Variants in ACACB observed in about 807,000 individuals in gnomAD.
The protein encoded by ACACB is acetyl-CoA carboxylase beta.
Under a neutral mutation model 278.8 loss-of-function variants are expected in ACACB, and 209 were observed. The ratio of observed to expected loss-of-function variants is 0.75; its 90% CI spans 0.67 to 0.84. ACACB has a LOEUF of 0.84. Ranked by LOEUF, ACACB falls within the 40% of genes least tolerant of loss-of-function variation. ACACB has a pLI of 0.00. For synonymous variants in ACACB, 1,174 were observed against 1,285.6 expected, an observed-to-expected ratio of 0.91 and a Z score of 1.86; for missense variants, 2,850 against 3,269.0, an observed-to-expected ratio of 0.87 and a Z score of 3.13.
intron 33 of ACACB, 125 bp from the exon 34 acceptor site, chr12:109,237,040 T>C (rs2046649560): frequency 1.1e-6 from 1 of 907,366 alleles, no homozygotes; most frequent in Non-Finnish European, 1.8e-6. Flanking sequence ...GAATGCTGCA[T>C]TCCTGAGTGC....
intron 9 of ACACB, 41 bp downstream of exon 9, chr12:109,176,304 G>A: frequency 1.0e-5 from 16 of 1,554,478 alleles, no homozygotes; most frequent in Non-Finnish European, 1.4e-5. Flanking sequence ...CTGTCTTTGG[G>A]AATTGTTTGT....
chr12:109,218,376 G>T (rs1286945063), intron 24 of ACACB, among the ~76,000 whole-genome samples: 1 of 110,090 alleles, frequency 9.1e-6, no homozygotes. Flanking sequence ...TAGTTTGTTT[G>T]TTTGTTTGTT....
At chr12:109,179,061 A>G (rs2044371713) in intron 9 of ACACB, 27 bp from the exon 10 acceptor site, 1 of 1,602,242 alleles carries the variant, frequency 6.2e-7, no homozygotes, top group African/African-American at 1.3e-5. Context: ...CCCCATGAAG[A>G]TCAGGCTGCT....
intron 2 of ACACB, among the ~76,000 whole-genome samples, chr12:109,145,850 A>T (rs1020982652): frequency 2.4e-4 from 37 of 151,768 alleles, no homozygotes; most frequent in African/African-American, 8.5e-4. Context: ...AAAAAAAAAA[A>T]ATAGAAAAAT....
At chr12:109,199,619 T>C (rs1341656254) in intron 18 of ACACB, 67 bp downstream of exon 18, 3 of 1,337,656 alleles carry the variant, frequency 2.2e-6, no homozygotes, top group Non-Finnish European at 2.9e-6. Flanking sequence ...CTTTGTCCCA[T>C]GTCTGAACAA....
rs2045158931 is a variant in ACACB, at chr12:109,197,046, G to A, written c.2520G>A (p.Met840Ile). The A allele has an allele frequency of 6.3e-7, 1 of 1,590,362 alleles. No homozygotes were observed. Among genetic ancestry groups the A allele is most frequent in the African/African-American group, 1.4e-5 (1 of 73,326 alleles). ...CTCTGACCATGTTCGTTCTCATCAT[G>A]AATGGCTGCCACATCGAGATTGATG... ...RQSLTMFVLI[M>I]NGCHIEIDAH... The change falls in exon 17 of 53, where the codon ATG becomes ATA. Residue 840 changes from methionine to isoleucine, a missense_variant. Physicochemically the swap from Met to Ile is conservative, Grantham distance 10. Transcript: ENST00000338432.
chr12:109,121,860 C>A (rs2042556905), intron 1 of ACACB, among the ~76,000 whole-genome samples: 1 of 152,176 alleles, frequency 6.6e-6, no homozygotes, highest in Non-Finnish European at 1.5e-5. Flanking sequence ...AGCTTCTATT[C>A]CAGTGGAGAA....
At chr12:109,137,860 C>T (rs1431662124) in intron 1 of ACACB, among the ~76,000 whole-genome samples, 1 of 151,442 alleles carries the variant, frequency 6.6e-6, no homozygotes, top group Admixed American at 6.6e-5. Context: ...CATCTTAGCT[C>T]ATTTCAACCT....
chr12:109,112,780 T>C (rs1003913100), upstream of ACACB, among the ~76,000 whole-genome samples: 27 of 151,866 alleles, frequency 1.8e-4, no homozygotes, highest in Admixed American at 1.4e-3. Flanking sequence ...TCAAGTCTGC[T>C]ATATTCCTGC....
chr12:109,193,839 C>A, intron 16 of ACACB, 110 bp downstream of exon 16: 1 of 938,888 alleles, frequency 1.1e-6, no homozygotes, highest in Non-Finnish European at 1.7e-6. Flanking sequence ...TGGGTTTGAG[C>A]TCTTGTGTTC....
chr12:109,125,757 A>C (rs1283036130), intron 1 of ACACB, among the ~76,000 whole-genome samples: 1 of 152,224 alleles, frequency 6.6e-6, no homozygotes, highest in East Asian at 1.9e-4. Flanking sequence ...CAGAGAGGTG[A>C]GGAAACTTGT....
chr12:109,183,976 C>T (rs2044565680), intron 11 of ACACB, among the ~76,000 whole-genome samples: 1 of 151,966 alleles, frequency 6.6e-6, no homozygotes, highest in African/African-American at 2.4e-5. Flanking sequence ...TACCCATACG[C>T]CCTGCATATA....
At chr12:109,149,609 C>A (rs543023986) in intron 2 of ACACB, among the ~76,000 whole-genome samples, 20 of 152,276 alleles carry the variant, frequency 1.3e-4, no homozygotes, top group Admixed American at 3.3e-4. Context: ...TAATTTAGAA[C>A]CATTTTCTCC....
chr12:109,221,894 T>TTTTGGG (rs372053398), intron 24 of ACACB, among the ~76,000 whole-genome samples: 2 of 128,240 alleles, frequency 1.6e-5, no homozygotes, highest in African/African-American at 6.3e-5. Context: ...TTTTTTTTTT[T>TTTTGGG]GGGGGGGAGA....
At chr12:109,167,621 G>GTGTATATATATATATATATATATATATA (rs1555210640) in intron 3 of ACACB, among the ~76,000 whole-genome samples, 1 of 77,528 alleles carries the variant, frequency 1.3e-5, no homozygotes, top group Non-Finnish European at 2.4e-5. Context: ...ATATGTATGT[G>GTGTATATATATATATATATATATATATA]TATATATATA....
Position 109,209,294 on chromosome 12 carries a change from G to T in ACACB, c.3190G>T (p.Val1064Leu). The T allele has an allele frequency of 6.2e-7, 1 of 1,612,736 alleles. No individual in the cohort carries two copies. The highest frequency in any genetic ancestry group is 1.1e-5 in the South Asian group (1 of 90,960). The change falls in exon 21 of 53, where the codon GTG becomes TTG. Residue 1064 changes from valine to leucine, a missense_variant. Coordinates refer to ENST00000338432, the MANE Select transcript of ACACB (RefSeq NM_001093.4). ...CCCTGTGGAGAAGTCTGTCCGCAGGGTGATGGCCCAGTATGCCAGCAACAT... is the reference window on the plus strand; with the variant it reads ...CCCTGTGGAGAAGTCTGTCCGCAGGTTGATGGCCCAGTATGCCAGCAACAT... ...PAPVEKSVRRVMAQYASNITS... is the reference protein window; with the variant it reads ...PAPVEKSVRRLMAQYASNITS...
Position 109,210,574 on chromosome 12 carries a change from T to C in ACACB, c.3249+1221T>C, listed in dbSNP as rs556311166. On this transcript the variant is annotated intron_variant, in intron 21 of 52. Coordinates refer to ENST00000338432, the MANE Select transcript of ACACB (RefSeq NM_001093.4). ...ATATATACATATATACATGTATGTG[T>C]GTATATACATATAAACATATATATG... 2.6e-4 allele frequency among the ~76,000 whole-genome samples: 38 copies of C among 148,880 alleles called. 1 individual carries two copies. The highest frequency in any genetic ancestry group is 6.3e-4 in the South Asian group (3 of 4,772).
At chr12:109,117,999 C>T (rs1260903100) in intron 1 of ACACB, among the ~76,000 whole-genome samples, 1 of 152,208 alleles carries the variant, frequency 6.6e-6, no homozygotes, top group Non-Finnish European at 1.5e-5. Flanking sequence ...ATCCGCCCGC[C>T]TCGGCCTCCC....
intron 29 of ACACB, among the ~76,000 whole-genome samples, chr12:109,233,188 G>A (rs911574413): frequency 3.3e-5 from 5 of 152,072 alleles, no homozygotes; most frequent in East Asian, 1.9e-4. Context: ...TCATAGGTGC[G>A]CCATGAGAAT....
Sources: gnomAD v4.1 joint callset for allele counts (sites outside exome capture counted in the v4.1 genomes callset) on GRCh38, gnomAD v4.1.1 for gene constraint, MANE v1.5 for transcripts, NCBI Gene and HGNC (gene_info 2026-07-23, HGNC 2026-07-21) for gene names.